CACNA2D1: variants seen among roughly 807,000 people sequenced by gnomAD.
CACNA2D1 encodes calcium voltage-gated channel auxiliary subunit alpha2delta 1, also known as voltage-dependent calcium channel subunit alpha-2/delta-1.
A neutral mutation model predicts 171.5 loss-of-function variants in CACNA2D1; 53 were observed. The observed-to-expected ratio is 0.31, with a 90% CI of 0.25 to 0.39. The LOEUF is 0.39. Among genes scored for constraint, CACNA2D1 ranks in the 10% least tolerant of loss-of-function variants. The probability of loss-of-function intolerance (pLI) is 1.00; values close to 1 mark genes in which losing one functional copy is unlikely to be tolerated. For missense variants in CACNA2D1, 903 were observed against 1,299.8 expected (o/e 0.69, Z 4.69); for synonymous variants, 442 against 443.1 (o/e 1.00, Z 0.03).
intron 10 of CACNA2D1, among the ~76,000 whole-genome samples, chr7:82,059,603 T>A (rs1266553470): frequency 1.3e-5 from 2 of 152,052 alleles, no homozygotes; most frequent in Non-Finnish European, 2.9e-5. Context: ...AAGGAGGATA[T>A]GTGGAATGCT....
At chr7:82,170,352 G>A (rs1163204386) in intron 4 of CACNA2D1, among the ~76,000 whole-genome samples, 198 bp downstream of exon 4, 1 of 151,042 alleles carries the variant, frequency 6.6e-6, no homozygotes, top group African/African-American at 2.4e-5. Context: ...TGGTAATATG[G>A]AACATAAAGT....
intron 12 of CACNA2D1, among the ~76,000 whole-genome samples, chr7:82,023,489 TTC>T (rs1252159635): frequency 2.0e-5 from 3 of 151,784 alleles, no homozygotes. Context: ...TCTGAAAGAT[TTC>T]TGATTCATCT....
intron 1 of CACNA2D1, among the ~76,000 whole-genome samples, chr7:82,369,397 CTAA>C (rs1381329279): frequency 6.6e-6 from 1 of 151,624 alleles, no homozygotes; most frequent in African/African-American, 2.4e-5. Context: ...CAGTTTCCAG[CTAA>C]CTGGTCAATC....
At chr7:81,967,740 T>G in intron 29 of CACNA2D1, 77 bp from the exon 30 acceptor site, 1 of 720,340 alleles carries the variant, frequency 1.4e-6, no homozygotes. Flanking sequence ...GTTATTTTGA[T>G]AGCAAGTATC....
intron 4 of CACNA2D1, among the ~76,000 whole-genome samples, chr7:82,156,001 G>T (rs937366831): frequency 3.3e-5 from 5 of 151,990 alleles, no homozygotes; most frequent in African/African-American, 1.2e-4. Context: ...CCTAATTCTT[G>T]TAACACTCAA....
chr7:82,148,605 A>G (rs1443965603), intron 4 of CACNA2D1, among the ~76,000 whole-genome samples: 1 of 152,160 alleles, frequency 6.6e-6, no homozygotes. Flanking sequence ...AAAACTCCCC[A>G]GCTTCCCTGC....
At chr7:82,057,383 T>C (rs1486698481) in intron 10 of CACNA2D1, among the ~76,000 whole-genome samples, 3 of 152,162 alleles carry the variant, frequency 2.0e-5, no homozygotes, top group Admixed American at 1.3e-4. Context: ...AAAGGTGTAC[T>C]TCTTGTCATT....
chr7:82,106,898 T>C (rs1787827405), intron 6 of CACNA2D1, among the ~76,000 whole-genome samples: 1 of 152,188 alleles, frequency 6.6e-6, no homozygotes, highest in African/African-American at 2.4e-5. Context: ...ATAGAAAACA[T>C]GGGTTCAATA....
intron 1 of CACNA2D1, among the ~76,000 whole-genome samples, chr7:82,354,699 T>C (rs975646455): frequency 1.3e-5 from 2 of 152,158 alleles, no homozygotes; most frequent in Non-Finnish European, 2.9e-5. Flanking sequence ...CTTGGCACTA[T>C]ACCGGAGGTC....
chr7:82,037,034 A>C (rs1303751918), intron 11 of CACNA2D1, among the ~76,000 whole-genome samples: 1 of 152,192 alleles, frequency 6.6e-6, no homozygotes, highest in African/African-American at 2.4e-5. Flanking sequence ...GTGGAAACCA[A>C]GGTGCAGAGA....
chr7:82,016,619 C>G (rs1425129411), intron 12 of CACNA2D1, among the ~76,000 whole-genome samples: 2 of 124,378 alleles, frequency 1.6e-5, no homozygotes, highest in African/African-American at 5.8e-5. Flanking sequence ...CGCCCCCCCC[C>G]CCCAAAAAAA....
chr7:82,278,122 CCTT>C (rs573318042), intron 3 of CACNA2D1, among the ~76,000 whole-genome samples: 12 of 152,192 alleles, frequency 7.9e-5, no homozygotes, highest in African/African-American at 2.6e-4. Flanking sequence ...TGTATGTTAA[CCTT>C]CATTTATTCA....
chr7:82,286,545 A>G (rs1180123389), intron 3 of CACNA2D1, among the ~76,000 whole-genome samples: 4 of 152,140 alleles, frequency 2.6e-5, no homozygotes, highest in African/African-American at 7.2e-5. Flanking sequence ...AAGTTGTACA[A>G]TCTTTCCAAA....
At chr7:82,393,701 A>G (rs940188117) in intron 1 of CACNA2D1, among the ~76,000 whole-genome samples, 1 of 152,222 alleles carries the variant, frequency 6.6e-6, no homozygotes, top group Non-Finnish European at 1.5e-5. Context: ...TTTATACTAA[A>G]GCTTTCATTT....
chr7:82,246,529 T>C (rs1429064212), intron 3 of CACNA2D1, among the ~76,000 whole-genome samples: 2 of 152,204 alleles, frequency 1.3e-5, no homozygotes, highest in African/African-American at 4.8e-5. Flanking sequence ...AAGCCTCTTC[T>C]TTAAGCCCTG....
At chr7:81,997,487 A>C (rs1279383247) in intron 18 of CACNA2D1, among the ~76,000 whole-genome samples, 1 of 151,532 alleles carries the variant, frequency 6.6e-6, no homozygotes, top group Non-Finnish European at 1.5e-5. Context: ...TGTCATTTTG[A>C]GTGCTGTATT....
intron 4 of CACNA2D1, among the ~76,000 whole-genome samples, chr7:82,164,587 C>G (rs1252926795): frequency 6.6e-6 from 1 of 151,868 alleles, no homozygotes; most frequent in Non-Finnish European, 1.5e-5. Flanking sequence ...AATTTCAGGA[C>G]AGGAGTAATA....
Position 81,994,874 on chromosome 7 carries a change from T to C in CACNA2D1, c.1728A>G (p.Gln576=), listed in dbSNP as rs1435015387. The change falls in exon 20 of 39, where the codon CAA becomes CAG. Residue 576 remains glutamine, a synonymous_variant. Transcript: ENST00000356860. ...AGCTAGAATCAATTCTTACCTCATC[T>C]TGAGATTTAACCAGAGTTCTGAATG... is the stretch of plus-strand genomic sequence containing the variant. The part of the protein sequence containing the change: ...EKTFRTLVKS[Q]DERYIDKGNR... 3.4e-6 allele frequency: 5 copies of C among 1,449,896 alleles called. No individual in the cohort carries two copies. In the South Asian group the frequency reaches 5.7e-5, roughly 17 times the overall value. 89.8% of individuals were successfully genotyped at this position (1,449,896 alleles called of 1,614,324 possible).
At chr7:81,994,563 T>G (rs1328331035) in intron 20 of CACNA2D1, among the ~76,000 whole-genome samples, 1 of 152,096 alleles carries the variant, frequency 6.6e-6, no homozygotes, top group South Asian at 2.1e-4. Context: ...AACATTATAT[T>G]GTGTATTCTA....
Sources: allele counts gnomAD v4.1 joint callset (sites outside exome capture counted in the v4.1 genomes callset), GRCh38; gene constraint gnomAD v4.1.1; transcripts MANE v1.5; gene names NCBI Gene and HGNC (gene_info 2026-07-23, HGNC 2026-07-21).